AGRN: variants seen among roughly 807,000 people sequenced by gnomAD.
The protein encoded by AGRN is agrin.
AGRN carries 106 observed loss-of-function variants against 211.0 expected under a neutral mutation model. The ratio of observed to expected loss-of-function variants is 0.50; its 90% confidence interval spans 0.43 to 0.59. AGRN has a LOEUF of 0.59. AGRN is among the 20% of genes least tolerant of loss of function. The pLI is 0.00. For missense variants in AGRN, 3,040 were observed against 2,982.6 expected (o/e 1.02, Z -0.45); for synonymous variants, 1,525 against 1,332.5 (o/e 1.14, Z -3.15).
intron 33 of AGRN, chr1:1,052,131 G>A (rs1385901382): frequency 4.0e-6 from 5 of 1,261,486 alleles, no homozygotes; most frequent in Admixed American, 4.5e-5. Context: ...GCGGAGGATG[G>A]GGGTCCGGCG....
chr1:1,030,101 ATGTGTG>A (rs1270260680), intron 2 of AGRN, among the ~76,000 whole-genome samples: 1 of 16,846 alleles, frequency 5.9e-5, no homozygotes, highest in African/African-American at 1.5e-4. Flanking sequence ...TGAGATCAGC[ATGTGTG>A]TGTGTGTGTG....
chr1:1,040,303 C>T (rs1416733934), intron 3 of AGRN, among the ~76,000 whole-genome samples: 3 of 152,202 alleles, frequency 2.0e-5, no homozygotes, highest in Non-Finnish European at 4.4e-5. Flanking sequence ...GGTTTCGAGG[C>T]GTCTCTGCTT....
At chr1:1,023,229 C>T (rs1316267915) in intron 2 of AGRN, among the ~76,000 whole-genome samples, 1 of 152,214 alleles carries the variant, frequency 6.6e-6, no homozygotes, top group African/African-American at 2.4e-5. Context: ...CCCGTCTCTC[C>T]GATCTGCTCC....
In AGRN at chr1:1,051,352, G is replaced by C. The variant is rs144245019; in HGVS notation, c.5353G>C (p.Asp1785His). The change falls in exon 31 of 36, where the codon GAC becomes CAC. Residue 1785 changes from aspartate to histidine, a missense_variant. Physicochemically the swap from Asp to His is moderately conservative, Grantham distance 81. Around this residue, in one of 3 missense-constraint regions of AGRN, gnomAD observed 1,537 missense variants for 1,505.0 expected, o/e 1.02. Transcript: ENST00000379370. The stretch of plus-strand genomic sequence containing the variant: ...TGCTGCTGCCGTGTCCTCTGGCTTC[G>C]ACGGTGCCATCCAGCTGGTATGTGG... Reference protein sequence around the residue: ...ARAAAVSSGFDGAIQLVSLGG... With the variant: ...ARAAAVSSGFHGAIQLVSLGG... The C allele has an allele frequency of 4.4e-5, 69 of 1,566,418 alleles. No individual in the cohort carries two copies. The highest frequency in any genetic ancestry group is 4.3e-4 in the South Asian group (37 of 85,372).
Position 1,049,687 on chromosome 1 carries a change from G to T in AGRN, c.4636G>T (p.Gly1546Cys). Reference protein sequence around the residue: ...PGAATRGSGVGECGDHPCLPN... With the variant: ...PGAATRGSGVCECGDHPCLPN... ...GGCTGCCACCCGAGGCTCTGGCGTG[G>T]GCGAGTGCGGGGACCACCCCTGCCT... Residue 1546 changes from glycine to cysteine, a missense_variant, in exon 26 of 36, where the codon GGC becomes TGC. Physicochemically the swap from Gly to Cys is radical, Grantham distance 159 (BLOSUM62 -3). Around this residue, in one of 3 missense-constraint regions of AGRN, gnomAD observed 1,537 missense variants for 1,505.0 expected, o/e 1.02. Transcript: ENST00000379370. 2 of 1,572,658 alleles carry T rather than the reference G, an allele frequency of 1.3e-6. No individual in the cohort carries two copies. Among genetic ancestry groups the T allele is most frequent in the African/African-American group, 2.7e-5 (2 of 74,312 alleles).
At chr1:1,049,080 GCC>G (rs1557716371) in intron 24 of AGRN, 21 bp downstream of exon 24, 61 of 1,466,084 alleles carry the variant, frequency 4.2e-5, no homozygotes, top group African/African-American at 2.8e-4. Flanking sequence ...AGGGGACGGG[GCC>G]GGGGCAGCTC....
chr1:1,044,456 TG>T lies in AGRN; in HGVS notation c.2254+21del, dbSNP rs768560390. 1.1e-5 allele frequency: 18 copies of T among 1,597,084 alleles called. No individual in the cohort carries two copies. Among genetic ancestry groups the T allele is most frequent in the Non-Finnish European group, 1.4e-5 (16 of 1,172,620 alleles). ...CCTGCCGAGGTGAGCCGGCTGCACG[TG>T]GGGTCTCAGGCACAGGCGGGGCGGC... On this transcript the variant is annotated intron_variant, in intron 12 of 35. Transcript: ENST00000379370.
At position 1,055,040 on chromosome 1, in the gene AGRN, T is replaced by C; in HGVS notation, c.*59T>C. 6 of 1,538,484 alleles carry C rather than the reference T, an allele frequency of 3.9e-6. No homozygotes were observed. Among genetic ancestry groups the C allele is most frequent in the Non-Finnish European group, 5.2e-6 (6 of 1,145,742 alleles). On this transcript the variant is annotated 3_prime_UTR_variant, in exon 36 of 36. Transcript: ENST00000379370. Reference sequence around the variant, plus strand: ...TTTTCTATTTTTGTAAACTTGTTGCTTTTTGATATGATTTTCTTGCCTGAG... The same window carrying C: ...TTTTCTATTTTTGTAAACTTGTTGCCTTTTGATATGATTTTCTTGCCTGAG...
chr1:1,047,829 G>T lies in AGRN; in HGVS notation c.3685G>T (p.Val1229Leu), dbSNP rs528146665. Reference protein sequence around the residue: ...VARALLRQIQVSRRRSLGVRR... With the variant: ...VARALLRQIQLSRRRSLGVRR... ...CCGGGCCCTGCTCCGGCAGATCCAG[G>T]TGTCCAGGCGCCGGTCCTTGGGGGT... is the stretch of plus-strand genomic sequence containing the variant. The change falls in exon 22 of 36, where the codon GTG becomes TTG. Residue 1229 changes from valine (V) to leucine (L), a missense_variant. This residue lies in a region of AGRN where 1,537 missense variants were observed against 1,505.0 expected (regional missense o/e 1.02). Coordinates refer to ENST00000379370, the MANE Select transcript of AGRN (RefSeq NM_198576.4). 6.2e-7 allele frequency: 1 copy of T among 1,604,350 alleles called. No individual in the cohort carries two copies. The highest frequency in any genetic ancestry group is 8.5e-7 in the Non-Finnish European group (1 of 1,176,096).
chr1:1,054,734 G>C (rs963299826), intron 35 of AGRN, 90 bp from the exon 36 acceptor site: 8 of 1,513,660 alleles, frequency 5.3e-6, no homozygotes, highest in Non-Finnish European at 7.1e-6. Context: ...GGGTGCCCAG[G>C]TGTGGGCCCC....
chr1:1,050,858 G>C (rs1244238433), intron 30 of AGRN, 21 bp downstream of exon 30: 18 of 1,537,366 alleles, frequency 1.2e-5, no homozygotes, highest in Non-Finnish European at 1.5e-5. Context: ...TGGGCCGCGA[G>C]GGGACTCCCG....
In AGRN at chr1:1,043,263, G is replaced by C. The variant is rs745752750; in HGVS notation, c.1409G>C (p.Gly470Ala). The C allele has an allele frequency of 6.2e-6, 10 of 1,610,360 alleles. No homozygotes were observed. Among genetic ancestry groups the C allele is most frequent in the Non-Finnish European group, 8.5e-6 (10 of 1,179,064 alleles). Residue 470 changes from glycine to alanine, a missense_variant, in exon 8 of 36, where the codon GGG becomes GCG. Transcript: ENST00000379370. Reference protein sequence around the residue: ...PCDQAPSPCLGVQCAFGATCA... With the variant: ...PCDQAPSPCLAVQCAFGATCA... ...GACCAGGCCCCGTCCCCATGCCTCG[G>C]GGTGCAGTGTGCATTTGGGGCGACG...
chr1:1,052,158 G>C (rs1645314409), intron 33 of AGRN: 10 of 1,093,932 alleles, frequency 9.1e-6, no homozygotes, highest in Non-Finnish European at 1.2e-5. Flanking sequence ...GGCTGCAAGA[G>C]GCCGTTTCCT....
At position 1,054,554 on chromosome 1, in the gene AGRN, GA is replaced by G. The variant is rs1645400510; in HGVS notation, c.5980+4del. On this transcript the variant is annotated splice_donor_region_variant and intron_variant, in intron 35 of 35. Coordinates refer to ENST00000379370, the MANE Select transcript of AGRN (RefSeq NM_198576.4). ...CACTGATGGAGCCCTGTGGCTTGGT[GA>G]GTGTTTTGGGGAGACTAGAGAGGGA... is the stretch of plus-strand genomic sequence containing the variant. 6.3e-7 allele frequency: 1 copy of G among 1,585,980 alleles called. No homozygotes were observed.
chr1:1,032,738 G>GA lies in AGRN; in HGVS notation c.464-2537dup, dbSNP rs1005279386. Among the ~76,000 whole-genome samples the GA allele has an allele frequency of 2.0e-5, 3 of 152,344 alleles. No homozygotes were observed. Among genetic ancestry groups the GA allele is most frequent in the Non-Finnish European group, 2.9e-5 (2 of 68,024 alleles). ...TGCTTTCCTGGAGCTGGGGCTTGGG[G>GA]AATGGGGTCGGTCATTGCAGGGACA... is the stretch of plus-strand genomic sequence containing the variant. On this transcript the variant is annotated intron_variant, in intron 2 of 35. Coordinates refer to ENST00000379370, the MANE Select transcript of AGRN (RefSeq NM_198576.4). This position sits in a 1 kb window ranked among gnomAD's most constrained non-coding sequence, Gnocchi z 4.7.
rs926641231 is a variant in AGRN, at chr1:1,045,186, T to G, written c.2280T>G (p.Pro760=). ...GCCCCACCTTCGCCCCGCTGCCGCCTGTGGCCCCCTTACACTGTGCCCAGA... is the reference window on the plus strand; with the variant it reads ...GCCCCACCTTCGCCCCGCTGCCGCCGGTGGCCCCCTTACACTGTGCCCAGA... The part of the protein sequence containing the change: ...CRGPTFAPLP[P]VAPLHCAQTP... Residue 760 remains proline (P), a synonymous_variant, in exon 13 of 36, where the codon CCT becomes CCG. Transcript: ENST00000379370. 4.3e-6 allele frequency: 7 copies of G among 1,612,598 alleles called. No homozygotes were observed. The highest frequency in any genetic ancestry group is 5.1e-6 in the Non-Finnish European group (6 of 1,179,958).
chr1:1,047,049 G>A (rs1645117965), intron 19 of AGRN, 92 bp downstream of exon 19: 1 of 1,530,816 alleles, frequency 6.5e-7, no homozygotes, highest in Non-Finnish European at 8.8e-7. Flanking sequence ...CAGTGCCGGG[G>A]GTTATGGTCT....
chr1:1,037,522 A>G (rs1305464501), intron 3 of AGRN, among the ~76,000 whole-genome samples: 2 of 152,168 alleles, frequency 1.3e-5, no homozygotes, highest in Non-Finnish European at 2.9e-5. Flanking sequence ...CGCTCCTATA[A>G]AAAGCACTGC....
intron 1 of AGRN, 142 bp downstream of exon 1, chr1:1,020,515 G>C (rs1183593564): frequency 2.6e-6 from 2 of 756,258 alleles, no homozygotes; most frequent in Non-Finnish European, 3.7e-6. Flanking sequence ...CCGGGAGGGG[G>C]GGTCGCCGGG....
Sources: gnomAD v4.1 joint callset for allele counts (sites outside exome capture counted in the v4.1 genomes callset) on GRCh38, gnomAD v4.1.1 for gene constraint, gnomAD v4.1.1 regional missense constraint, Gnocchi (gnomAD v3.1) non-coding constraint, MANE v1.5 for transcripts, NCBI Gene and HGNC (gene_info 2026-07-23, HGNC 2026-07-21) for gene names.